The following TCERG1L variants were observed in gnomAD, a reference collection of about 807,000 sequenced individuals.
The protein encoded by TCERG1L is transcription elongation regulator 1 like.
TCERG1L carries 37 observed loss-of-function variants against 56.3 expected under a neutral mutation model. The observed-to-expected ratio is 0.66, with a 90% CI of 0.51 to 0.87. TCERG1L has a LOEUF of 0.87. TCERG1L is among the 40% of genes least tolerant of loss of function. The pLI is 0.00. For synonymous variants in TCERG1L, 324 were observed against 326.3 expected, an observed-to-expected ratio of 0.99 and a Z score of 0.08; for missense variants, 799 against 774.2, an observed-to-expected ratio of 1.03 and a Z score of -0.38.
intron 3 of TCERG1L, among the ~76,000 whole-genome samples, chr10:131,299,704 T>C (rs1846739688): frequency 6.6e-6 from 1 of 152,136 alleles, no homozygotes. Flanking sequence ...ATGGTGAATT[T>C]AAAGACATAC....
intron 4 of TCERG1L, among the ~76,000 whole-genome samples, chr10:131,189,913 G>T (rs1476659316): frequency 6.6e-6 from 1 of 151,740 alleles, no homozygotes; most frequent in Admixed American, 6.6e-5. Flanking sequence ...AAGAAGAAAA[G>T]GAATAACAAA....
chr10:131,311,258 G>T lies in TCERG1L; in HGVS notation c.342+36C>A, dbSNP rs898723103. ...GGGCGCGCCCAGGAGCAGGGGAGAC[G>T]GCGACCCGGGCCGAGGCGGGACGGG... On this transcript the variant is annotated intron_variant, in intron 1 of 11. Transcript: ENST00000368642. The surrounding 1 kb of genome is among the most constrained non-coding windows in gnomAD (Gnocchi z 4.0). The T allele has an allele frequency of 8.4e-7, 1 of 1,197,262 alleles. No individual in the cohort carries two copies. Among genetic ancestry groups the T allele is most frequent in the Non-Finnish European group, 1.0e-6 (1 of 964,950 alleles). 74.2% of individuals were successfully genotyped at this position (1,197,262 alleles called of 1,614,324 possible).
At chr10:131,096,389 A>ACGTC (rs1179644827) in intron 11 of TCERG1L, among the ~76,000 whole-genome samples, 1 of 152,238 alleles carries the variant, frequency 6.6e-6, no homozygotes, top group Non-Finnish European at 1.5e-5. Context: ...AGGCAACAGG[A>ACGTC]CACACATTTC....
intron 9 of TCERG1L, among the ~76,000 whole-genome samples, chr10:131,107,956 TACACAC>T (rs59364659): frequency 0.041 from 5,967 of 146,838 alleles, 201 homozygotes; most frequent in African/African-American, 0.093. Flanking sequence ...CATGTGTGCC[TACACAC>T]ACACACACAC....
chr10:131,157,312 A>G (rs1047829084), intron 6 of TCERG1L, among the ~76,000 whole-genome samples: 3 of 152,258 alleles, frequency 2.0e-5, no homozygotes, highest in African/African-American at 7.2e-5. Context: ...TTAGAAAATA[A>G]TATGTTAAAA....
At chr10:131,197,367 A>G (rs1236782743) in intron 4 of TCERG1L, among the ~76,000 whole-genome samples, 2 of 151,914 alleles carry the variant, frequency 1.3e-5, no homozygotes, top group African/African-American at 2.4e-5. Flanking sequence ...TATTTTTTCT[A>G]GTAGAGATGG....
At chr10:131,244,158 C>T (rs949047182) in intron 4 of TCERG1L, among the ~76,000 whole-genome samples, 1 of 152,210 alleles carries the variant, frequency 6.6e-6, no homozygotes, top group Non-Finnish European at 1.5e-5. Flanking sequence ...GTGCATCGAT[C>T]GGAAGAGGCT....
At chr10:131,170,737 T>C (rs563724665) in intron 4 of TCERG1L, among the ~76,000 whole-genome samples, 7 of 152,120 alleles carry the variant, frequency 4.6e-5, no homozygotes, top group South Asian at 4.2e-4. Context: ...CTGTGAGCAA[T>C]TAGACACTCC....
At chr10:131,244,938 G>A (rs1253607599) in intron 4 of TCERG1L, among the ~76,000 whole-genome samples, 1 of 152,212 alleles carries the variant, frequency 6.6e-6, no homozygotes, top group Non-Finnish European at 1.5e-5. Flanking sequence ...TCCTGCCCAG[G>A]ACACTGGGGA....
chr10:131,175,911 G>A (rs1240216014), intron 4 of TCERG1L, among the ~76,000 whole-genome samples: 1 of 152,202 alleles, frequency 6.6e-6, no homozygotes. Flanking sequence ...AGATTCATGT[G>A]AACTTGTAGC....
chr10:131,310,201 A>G (rs999047555), intron 1 of TCERG1L, among the ~76,000 whole-genome samples: 1 of 152,260 alleles, frequency 6.6e-6, no homozygotes, highest in Non-Finnish European at 1.5e-5. Flanking sequence ...TTTTTAAAGC[A>G]GAATTTAAAA....
At chr10:131,276,795 G>A (rs997505719) in intron 3 of TCERG1L, among the ~76,000 whole-genome samples, 6 of 152,158 alleles carry the variant, frequency 3.9e-5, no homozygotes, top group African/African-American at 1.4e-4. Flanking sequence ...TGTCCGGGAC[G>A]GTAGACAGGT....
At chr10:131,109,465 G>T (rs559645145) in intron 9 of TCERG1L, among the ~76,000 whole-genome samples, 31 of 152,076 alleles carry the variant, frequency 2.0e-4, no homozygotes, top group Admixed American at 1.0e-3. Flanking sequence ...TGTGACTGTG[G>T]CTGTGTCTGT....
intron 4 of TCERG1L, among the ~76,000 whole-genome samples, chr10:131,187,869 C>T (rs1845263079): frequency 6.6e-6 from 1 of 152,202 alleles, no homozygotes. Flanking sequence ...GCATCCTCTG[C>T]AGAGGGGAGG....
intron 9 of TCERG1L, among the ~76,000 whole-genome samples, chr10:131,105,149 T>G (rs1053513407): frequency 2.0e-5 from 3 of 152,220 alleles, no homozygotes; most frequent in Admixed American, 6.5e-5. Context: ...TCAGTTGGGA[T>G]TTGTCTGAGG....
rs965500386 is a variant in TCERG1L at position 131,134,584 on chromosome 10, A to G, written c.1190-136T>C. 3 of 679,284 alleles carry G rather than the reference A, an allele frequency of 4.4e-6. No homozygotes were observed. The African/African-American group carries it at 5.4e-5, about 12-fold the overall frequency. 42.1% of individuals were successfully genotyped at this position (679,284 alleles called of 1,614,324 possible). On this transcript the variant is annotated intron_variant, in intron 7 of 11. Coordinates refer to ENST00000368642, the MANE Select transcript of TCERG1L (RefSeq NM_174937.4). ...GGCTTCTCTTAAAGATTGATGTGAA[A>G]TCCTACGAGTTTCCTCTTGGCACAC...
intron 11 of TCERG1L, 150 bp from the exon 12 acceptor site, chr10:131,093,468 AC>A: frequency 1.1e-6 from 1 of 881,276 alleles, no homozygotes; most frequent in Non-Finnish European, 1.7e-6. Flanking sequence ...AGCGGCTCTG[AC>A]CAGCCGTGCC....
rs1022281982 is a variant in TCERG1L at position 131,260,234 on chromosome 10, C to A, written c.856+25G>T. 1.5e-6 allele frequency: 2 copies of A among 1,344,910 alleles called. No homozygotes were observed. The highest frequency in any genetic ancestry group is 9.6e-7 in the Non-Finnish European group (1 of 1,043,720). The allele number at this position is 1,344,910 out of a possible 1,614,324, so 83.3% of individuals were successfully genotyped here. A position where few individuals can be genotyped will look rare whatever the true frequency, so the allele number is the denominator to read the frequency against. On this transcript the variant is annotated intron_variant, in intron 4 of 11. Transcript: ENST00000368642. This position sits in a 1 kb window ranked among gnomAD's most constrained non-coding sequence, Gnocchi z 5.8. Reference sequence around the variant, plus strand: ...GCGCGCTCGCTAAGGCAGCACCAGGCGTCGGGACGGCGCTCCGAGCCTACC... The same window carrying A: ...GCGCGCTCGCTAAGGCAGCACCAGGAGTCGGGACGGCGCTCCGAGCCTACC...
intron 4 of TCERG1L, among the ~76,000 whole-genome samples, chr10:131,256,186 G>T (rs1193345436): frequency 6.6e-6 from 1 of 152,202 alleles, no homozygotes; most frequent in Non-Finnish European, 1.5e-5. Context: ...TTTAAAAAAA[G>T]ACCTTATTCC....
Sources: gnomAD v4.1 joint callset for allele counts (sites outside exome capture counted in the v4.1 genomes callset) on GRCh38, gnomAD v4.1.1 for gene constraint, Gnocchi (gnomAD v3.1) non-coding constraint, MANE v1.5 for transcripts, NCBI Gene and HGNC (gene_info 2026-07-23, HGNC 2026-07-21) for gene names.